MTMR8: variants seen among roughly 807,000 people sequenced by gnomAD.
MTMR8 encodes the protein myotubularin related protein 8.
A neutral mutation model predicts 39.3 loss-of-function variants in MTMR8; 65 were observed. The observed-to-expected ratio is 1.65, with a 90% CI of 1.35 to 2.03. MTMR8 has a LOEUF of 2.03. Among genes scored for constraint, MTMR8 ranks in the 30% most tolerant of loss-of-function variants. The probability of loss-of-function intolerance (pLI) is 0.00; values close to 1 mark genes in which losing one functional copy is unlikely to be tolerated. For missense variants in MTMR8, 777 were observed against 538.9 expected, an observed-to-expected ratio of 1.44 and a Z score of -4.37; for synonymous variants, 245 against 185.2, an observed-to-expected ratio of 1.32 and a Z score of -2.62.
intron 12 of MTMR8, among the ~76,000 whole-genome samples, chrX:64,283,479 G>C (rs1183894732): frequency 1.5e-4 from 17 of 111,899 alleles, no homozygotes; most frequent in Non-Finnish European, 3.8e-5. Flanking sequence ...GACAGTAGTG[G>C]TTCTCCCAGC....
chrX:64,315,135 A>C, intron 12 of MTMR8, among the ~76,000 whole-genome samples: 1 of 112,136 alleles, frequency 8.9e-6, no homozygotes, highest in Admixed American at 9.4e-5. Flanking sequence ...ACTGGCTGGC[A>C]TGCTGCCCCT....
intron 1 of MTMR8, among the ~76,000 whole-genome samples, chrX:64,373,614 C>T (rs1924183174): frequency 9.0e-6 from 1 of 111,100 alleles, no homozygotes; most frequent in African/African-American, 3.3e-5. Context: ...ACTAATACAC[C>T]ATTATACTAT....
At chrX:64,382,358 T>C (rs1021981807) in intron 1 of MTMR8, among the ~76,000 whole-genome samples, 3 of 111,546 alleles carry the variant, frequency 2.7e-5, no homozygotes, top group Middle Eastern at 4.2e-3. Context: ...TTATTCTCTT[T>C]GAAGCAATTG....
rs936653937 is a variant in MTMR8, at chrX:64,286,902, A to C, written c.1482-15829T>G. On this transcript the variant is annotated intron_variant, in intron 12 of 13. Transcript: ENST00000374852. ...GAAGCATTCCCTTTGAAAACTGGCA[A>C]CAGACAGGGATGCCCTCTCTCACCA... is the stretch of plus-strand genomic sequence containing the variant. Among the ~76,000 whole-genome samples the C allele has an allele frequency of 1.1e-3, 118 of 111,641 alleles. No individual in the cohort carries two copies. The East Asian group carries it at 0.019, about 18-fold the overall frequency.
Position 64,296,591 on chromosome X carries a change from T to A in MTMR8, c.1482-25518A>T, listed in dbSNP as rs1288164660. The stretch of plus-strand genomic sequence containing the variant: ...TATGCTGGTTTTTTTTTTTTTTTTT[T>A]AATTATACTTTAAGTTTTAGGGTAC... On this transcript the variant is annotated intron_variant, in intron 12 of 13. Coordinates refer to ENST00000374852, the MANE Select transcript of MTMR8 (RefSeq NM_017677.4). Among the ~76,000 whole-genome samples the A allele has an allele frequency of 3.9e-3, 400 of 103,341 alleles. 4 individuals carry two copies. The highest frequency in any genetic ancestry group is 0.015 in the African/African-American group (388 of 25,853). 89.7% of individuals were successfully genotyped at this position (103,341 alleles called of 115,157 possible).
intron 1 of MTMR8, among the ~76,000 whole-genome samples, chrX:64,363,401 C>A (rs1923851003): frequency 9.0e-6 from 1 of 110,964 alleles, no homozygotes. Flanking sequence ...TGACTGAATT[C>A]TTGTGAGATC....
At chrX:64,351,203 G>T (rs1359805224) in intron 4 of MTMR8, among the ~76,000 whole-genome samples, 1 of 110,722 alleles carries the variant, frequency 9.0e-6, no homozygotes, top group East Asian at 2.8e-4. Flanking sequence ...ACACACATTT[G>T]AGGTGGACAG....
At chrX:64,301,798 C>T (rs1010163691) in intron 12 of MTMR8, among the ~76,000 whole-genome samples, 1 of 111,648 alleles carries the variant, frequency 9.0e-6, no homozygotes, top group African/African-American at 3.3e-5. Context: ...TTCTAACAGA[C>T]AGGACCCTCT....
chrX:64,310,867 A>C (rs1489692536), intron 12 of MTMR8, among the ~76,000 whole-genome samples: 1 of 112,087 alleles, frequency 8.9e-6, no homozygotes, highest in Non-Finnish European at 1.9e-5. Context: ...TCCATGGTGT[A>C]TATGTGCCAC....
At chrX:64,362,424 A>G (rs1420378467) in intron 1 of MTMR8, among the ~76,000 whole-genome samples, 6 of 101,320 alleles carry the variant, frequency 5.9e-5, no homozygotes, top group South Asian at 4.7e-4. Flanking sequence ...GCTGTGGGGG[A>G]AAAAAATCAA....
At chrX:64,279,228 G>A (rs1301726766) in intron 12 of MTMR8, among the ~76,000 whole-genome samples, 1 of 112,158 alleles carries the variant, frequency 8.9e-6, no homozygotes, top group Non-Finnish European at 1.9e-5. Context: ...AGGAGGGCAT[G>A]CTTCCAAACT....
intron 12 of MTMR8, among the ~76,000 whole-genome samples, chrX:64,321,841 A>G (rs531188441): frequency 8.9e-6 from 1 of 111,925 alleles, no homozygotes; most frequent in African/African-American, 3.2e-5. Flanking sequence ...CTTTCCATAC[A>G]TAATTCGTTA....
intron 12 of MTMR8, among the ~76,000 whole-genome samples, chrX:64,300,161 T>A (rs1214121777): frequency 9.4e-6 from 1 of 106,741 alleles, no homozygotes; most frequent in Non-Finnish European, 1.9e-5. Flanking sequence ...CATTGATCTG[T>A]CTAATGTTGA....
chrX:64,363,755 C>G (rs1172971003), intron 1 of MTMR8, among the ~76,000 whole-genome samples: 1 of 111,280 alleles, frequency 9.0e-6, no homozygotes. Flanking sequence ...TGGGTGCAGG[C>G]CATGGAGGGC....
At chrX:64,375,378 A>T (rs185005450) in intron 1 of MTMR8, among the ~76,000 whole-genome samples, 32 of 110,645 alleles carry the variant, frequency 2.9e-4, no homozygotes, top group African/African-American at 1.1e-3. Flanking sequence ...AAGTAAAGGG[A>T]TGGAGAAAGA....
At chrX:64,279,078 T>A (rs1458611321) in intron 12 of MTMR8, among the ~76,000 whole-genome samples, 1 of 111,784 alleles carries the variant, frequency 8.9e-6, no homozygotes, top group Non-Finnish European at 1.9e-5. Flanking sequence ...AGTCTGCCCC[T>A]TAGCAGAGCT....
At chrX:64,378,924 A>G (rs912127673) in intron 1 of MTMR8, among the ~76,000 whole-genome samples, 2 of 111,919 alleles carry the variant, frequency 1.8e-5, no homozygotes, top group Admixed American at 1.9e-4. Flanking sequence ...GAAGACACAA[A>G]TAACACCAGA....
In MTMR8 at chrX:64,337,276, C is replaced by T; in HGVS notation, c.1093G>A (p.Gly365Arg). Residue 365 changes from glycine (G) to arginine (R), a missense_variant, in exon 9 of 14, where the codon GGA becomes AGA. Physicochemically the swap from Gly to Arg is moderately radical, Grantham distance 125. Coordinates refer to ENST00000374852, the MANE Select transcript of MTMR8 (RefSeq NM_017677.4). ...GTAGCGTGCTCTCTTACCATGAGTC[C>T]TTTGAATGTCCTATAAAATGGATCT... ...LLDPFYRTFK[G>R]LMILIEKEWI... 4 of 1,209,503 alleles carry T rather than the reference C, an allele frequency of 3.3e-6. No individual in the cohort carries two copies. The highest frequency in any genetic ancestry group is 4.5e-6 in the Non-Finnish European group (4 of 894,320).
intron 12 of MTMR8, among the ~76,000 whole-genome samples, chrX:64,290,922 T>C (rs1460506595): frequency 8.9e-6 from 1 of 112,033 alleles, no homozygotes; most frequent in Non-Finnish European, 1.9e-5. Flanking sequence ...TAAGTATTCA[T>C]GTAGAGGTTT....
Sources: allele counts gnomAD v4.1 joint callset (sites outside exome capture counted in the v4.1 genomes callset), GRCh38; gene constraint gnomAD v4.1.1; transcripts MANE v1.5; gene names NCBI Gene and HGNC (gene_info 2026-07-23, HGNC 2026-07-21).